The following SERPINE3 variants were observed in gnomAD, a reference collection of about 807,000 sequenced individuals.
SERPINE3 encodes serpin family E member 3, also known as serpin E3.
Under a neutral mutation model 41.7 loss-of-function variants are expected in SERPINE3, and 43 were observed. The observed-to-expected ratio is 1.03, with a 90% CI of 0.81 to 1.33. SERPINE3 has a LOEUF of 1.33. SERPINE3 is among the 40% of genes most tolerant of loss of function. SERPINE3 has a pLI of 0.00. For synonymous variants in SERPINE3, 200 were observed against 192.2 expected, an observed-to-expected ratio of 1.04 and a Z score of -0.34; for missense variants, 440 against 491.7, an observed-to-expected ratio of 0.89 and a Z score of 0.99.
intron 6 of SERPINE3, among the ~76,000 whole-genome samples, chr13:51,353,248 A>C (rs962550098): frequency 2.0e-5 from 3 of 152,202 alleles, no homozygotes; most frequent in Non-Finnish European, 4.4e-5. Flanking sequence ...TACCCACCAT[A>C]ATCATATTTA....
chr13:51,348,673 G>T, intron 6 of SERPINE3: 2 of 250,946 alleles, frequency 8.0e-6, no homozygotes, highest in Non-Finnish European at 1.3e-5. Context: ...TGCCTTCACT[G>T]GGCTGGAATG....
At chr13:51,364,158 T>C (rs1955638894) in intron 9 of SERPINE3, 81 bp from the exon 10 acceptor site, 1 of 631,302 alleles carries the variant, frequency 1.6e-6, no homozygotes, top group Non-Finnish European at 2.6e-6. Context: ...TACTTAAAAG[T>C]ATTTGTATAG....
At chr13:51,342,700 T>A (rs1481889784) in intron 3 of SERPINE3, among the ~76,000 whole-genome samples, 1 of 152,150 alleles carries the variant, frequency 6.6e-6, no homozygotes, top group African/African-American at 2.4e-5. Flanking sequence ...AGAGGAGAGT[T>A]CTGTGACCAT....
At position 51,340,776 on chromosome 13, in the gene SERPINE3, C is replaced by G. The variant is rs906825010; in HGVS notation, c.-95-8C>G. On this transcript the variant is annotated splice_polypyrimidine_tract_variant and splice_region_variant and intron_variant, in intron 1 of 9. Transcript: ENST00000681248. ...CCCAACATAATGCTTTGCTTCTGAT[C>G]TGACCAGGGCTTTGCTAAAGTCACA... 4.6e-6 allele frequency: 2 copies of G among 430,668 alleles called. No individual in the cohort carries two copies. The highest frequency in any genetic ancestry group is 3.9e-5 in the African/African-American group (2 of 50,828). 26.7% of individuals were successfully genotyped at this position (430,668 alleles called of 1,614,324 possible).
rs200132195 is a variant in SERPINE3, at chr13:51,347,026, T to C, written c.492T>C (p.Gly164=). Reference sequence around the variant, plus strand: ...GCCACCTTGCTTTCCTGCTTGCAGGTGGGGGCCCCAGTGAGGGCCCTGGTG... The same window carrying C: ...GCCACCTTGCTTTCCTGCTTGCAGGCGGGGGCCCCAGTGAGGGCCCTGGTG... ...TSEGASRETA[G]GGPSEGPGGW... The change falls in exon 5 of 10, where the codon GGT becomes GGC. Residue 164 remains glycine, a splice_region_variant and synonymous_variant. Transcript: ENST00000681248. 1,431 of 1,574,518 alleles carry C rather than the reference T, an allele frequency of 9.1e-4. No homozygotes were observed. Among genetic ancestry groups the C allele is most frequent in the Non-Finnish European group, 1.1e-3 (1,297 of 1,159,260 alleles).
intron 3 of SERPINE3, 23 bp downstream of exon 3, chr13:51,341,370 C>T: frequency 6.4e-7 from 1 of 1,558,138 alleles, no homozygotes; most frequent in Non-Finnish European, 8.7e-7. Context: ...CCCACGTGCA[C>T]ACTCACTTAC....
chr13:51,340,235 G>A (rs1955276253), intron 1 of SERPINE3, among the ~76,000 whole-genome samples: 1 of 152,146 alleles, frequency 6.6e-6, no homozygotes, highest in Non-Finnish European at 1.5e-5. Context: ...AACAAAAACT[G>A]CTGCTGGCTG....
chr13:51,361,673 C>A (rs1955579945), intron 8 of SERPINE3, 137 bp from the exon 9 acceptor site: 8 of 731,168 alleles, frequency 1.1e-5, no homozygotes, highest in Non-Finnish European at 1.5e-5. Flanking sequence ...CCCATCTGCA[C>A]CCCCATCACA....
intron 5 of SERPINE3, among the ~76,000 whole-genome samples, chr13:51,347,597 T>C (rs568347036): frequency 6.6e-6 from 1 of 152,354 alleles, no homozygotes; most frequent in African/African-American, 2.4e-5. Flanking sequence ...CCCTGTACCC[T>C]TATCCATGAT....
At chr13:51,359,352 T>C (rs934098524) in intron 7 of SERPINE3, among the ~76,000 whole-genome samples, 1 of 152,136 alleles carries the variant, frequency 6.6e-6, no homozygotes, top group African/African-American at 2.4e-5. Flanking sequence ...TTATCGCATA[T>C]GTTGGTCTTT....
chr13:51,346,907 A>C (rs1181939581), intron 4 of SERPINE3, 118 bp from the exon 5 acceptor site: 1 of 691,424 alleles, frequency 1.4e-6, no homozygotes, highest in East Asian at 2.7e-5. Context: ...GACCACCTTA[A>C]GCAAAAAGAC....
chr13:51,344,119 T>A (rs1955320500), intron 3 of SERPINE3, 133 bp from the exon 4 acceptor site: 1 of 681,166 alleles, frequency 1.5e-6, no homozygotes, highest in Admixed American at 2.3e-5. Context: ...AAACTGGCTT[T>A]GTATGGTAGA....
At chr13:51,355,491 C>T (rs1955467694) in intron 7 of SERPINE3, among the ~76,000 whole-genome samples, 1 of 152,140 alleles carries the variant, frequency 6.6e-6, no homozygotes, top group Admixed American at 6.5e-5. Flanking sequence ...TCCTGCTGTC[C>T]CATCAGCTTC....
Position 51,348,403 on chromosome 13 carries a change from C to G in SERPINE3, c.891C>G (p.Phe297Leu), listed in dbSNP as rs1286267098. Residue 297 changes from phenylalanine (F) to leucine (L), a missense_variant, in exon 6 of 10, where the codon TTC (phenylalanine) becomes TTG (leucine). By Grantham distance (22) the Phe-to-Leu change is conservative. Coordinates refer to ENST00000681248, the MANE Select transcript of SERPINE3 (RefSeq NM_001386375.1). Reference protein sequence around the residue: ...TSLRRARMDVFLPRFRIQNQF... With the variant: ...TSLRRARMDVLLPRFRIQNQF... ...TGAGGAGAGCCAGGATGGATGTGTT[C>G]CTGCCCAGGTGAGCAGCTGAGTCCC... is the stretch of plus-strand genomic sequence containing the variant. The G allele has an allele frequency of 6.2e-7, 1 of 1,613,200 alleles. No homozygotes were observed. The highest frequency in any genetic ancestry group is 8.5e-7 in the Non-Finnish European group (1 of 1,179,734).
chr13:51,361,131 A>C (rs1240657966), intron 7 of SERPINE3, 147 bp from the exon 8 acceptor site: 1 of 528,054 alleles, frequency 1.9e-6, no homozygotes, highest in Non-Finnish European at 3.4e-6. Context: ...TAAAAACAAA[A>C]ACAGAATTTT....
At chr13:51,364,194 A>T (rs1955639591) in intron 9 of SERPINE3, 45 bp from the exon 10 acceptor site, 1 of 923,812 alleles carries the variant, frequency 1.1e-6, no homozygotes, top group Admixed American at 2.6e-5. Flanking sequence ...AAAGAACTGC[A>T]TATGAAAATA....
chr13:51,361,871 T>C lies in SERPINE3; in HGVS notation c.1149T>C (p.Tyr383=). Residue 383 remains tyrosine, a synonymous_variant, in exon 9 of 10, where the codon TAT becomes TAC. Transcript: ENST00000681248. ...TTAAAGCAGATCGGCCATTCATCTA[T>C]TTCCTGAGAGAACCTAACACAGGTA... ...PIFKADRPFI[Y]FLREPNTGFV... is the part of the protein sequence containing the mutation. The C allele has an allele frequency of 1.2e-6, 2 of 1,611,968 alleles. No individual in the cohort carries two copies. Among genetic ancestry groups the C allele is most frequent in the African/African-American group, 1.3e-5 (1 of 74,884 alleles).
Position 51,340,835 on chromosome 13 carries a change from CCA to C in SERPINE3, c.-41_-40del. ...AAGTGGCCGAAGCAGATCTTCAGAC[CCA>C]CAGTTTGGCTGCCAAAGGACCACAG... On this transcript the variant is annotated 5_prime_UTR_variant, in exon 2 of 10. Transcript: ENST00000681248. 1 of 552,120 alleles carries C rather than the reference CCA, an allele frequency of 1.8e-6. No individual in the cohort carries two copies. Among genetic ancestry groups the C allele is most frequent in the Non-Finnish European group, 3.2e-6 (1 of 308,530 alleles). The allele number at this position is 552,120 out of a possible 1,614,324, so 34.2% of individuals were successfully genotyped here.
At chr13:51,360,660 G>A (rs962861189) in intron 7 of SERPINE3, among the ~76,000 whole-genome samples, 6 of 151,956 alleles carry the variant, frequency 3.9e-5, no homozygotes, top group Non-Finnish European at 8.8e-5. Context: ...GTAGATTCTA[G>A]CCCATGAGGC....
Sources: allele counts gnomAD v4.1 joint callset (sites outside exome capture counted in the v4.1 genomes callset), GRCh38; gene constraint gnomAD v4.1.1; transcripts MANE v1.5; gene names NCBI Gene and HGNC (gene_info 2026-07-23, HGNC 2026-07-21).